The following FAM117A variants were observed in gnomAD, a reference collection of about 807,000 sequenced individuals.
The protein encoded by FAM117A is family with sequence similarity 117 member A.
In FAM117A, 21 loss-of-function variants were observed where a neutral mutation model predicts 44.1. That is an observed-to-expected ratio of 0.48 (90% confidence interval 0.34 to 0.69). The LOEUF is 0.69. Ranked by LOEUF, FAM117A falls within the 30% of genes least tolerant of loss-of-function variation. The pLI is 0.01. For missense variants in FAM117A, 498 were observed against 589.9 expected (o/e 0.84, Z 1.61); for synonymous variants, 220 against 238.3 (o/e 0.92, Z 0.71).
At chr17:49,759,771 G>A (rs2073715715) in intron 1 of FAM117A, among the ~76,000 whole-genome samples, 1 of 152,116 alleles carries the variant, frequency 6.6e-6, no homozygotes, top group African/African-American at 2.4e-5. Context: ...AATAATATAA[G>A]CACTGCAGCC....
At chr17:49,755,038 CAAAAAAAAA>C (rs199709334) in intron 1 of FAM117A, among the ~76,000 whole-genome samples, 1 of 43,246 alleles carries the variant, frequency 2.3e-5, no homozygotes, top group East Asian at 5.3e-4. Context: ...AACTCCGTCT[CAAAAAAAAA>C]AAAAAAAAAA....
At chr17:49,724,064 G>A (rs2073547885) in intron 2 of FAM117A, among the ~76,000 whole-genome samples, 1 of 152,128 alleles carries the variant, frequency 6.6e-6, no homozygotes, top group Admixed American at 6.5e-5. Context: ...GGCTCTGTCA[G>A]TATATGGAAA....
chr17:49,782,569 A>T (rs942585151), intron 1 of FAM117A, among the ~76,000 whole-genome samples: 2 of 151,194 alleles, frequency 1.3e-5, no homozygotes, highest in Non-Finnish European at 2.9e-5. Context: ...ACGCACCTGT[A>T]GTCCCAGCTA....
At chr17:49,741,411 A>G (rs2073633770) in intron 1 of FAM117A, among the ~76,000 whole-genome samples, 1 of 152,220 alleles carries the variant, frequency 6.6e-6, no homozygotes, top group Admixed American at 6.5e-5. Flanking sequence ...GCATGCCCGC[A>G]CTCAGAGATC....
At chr17:49,764,399 C>G (rs1299789786), upstream of FAM117A, among the ~76,000 whole-genome samples, 1 of 152,114 alleles carries the variant, frequency 6.6e-6, no homozygotes, top group Non-Finnish European at 1.5e-5. Context: ...CCAGCGCCAC[C>G]AATGAGAAGA....
At chr17:49,740,394 C>G (rs1350400178) in intron 1 of FAM117A, among the ~76,000 whole-genome samples, 1 of 152,066 alleles carries the variant, frequency 6.6e-6, no homozygotes, top group Non-Finnish European at 1.5e-5. Flanking sequence ...GGACTACAGG[C>G]GCCCACCACC....
At chr17:49,779,307 C>T (rs911736714) in intron 1 of FAM117A, among the ~76,000 whole-genome samples, 1 of 152,218 alleles carries the variant, frequency 6.6e-6, no homozygotes, top group Non-Finnish European at 1.5e-5. Flanking sequence ...ATGCTACTTA[C>T]AGTTGTCTGG....
chr17:49,788,803 G>A (rs762261423), upstream of FAM117A: 1 of 1,578,740 alleles, frequency 6.3e-7, no homozygotes, highest in South Asian at 1.1e-5. Context: ...GCCGCTGCCC[G>A]AATCGGAACC....
intron 1 of FAM117A, among the ~76,000 whole-genome samples, chr17:49,744,273 T>C (rs1205309972): frequency 6.6e-6 from 1 of 151,898 alleles, no homozygotes; most frequent in African/African-American, 2.4e-5. Flanking sequence ...GAATACTTTA[T>C]TATTTGTTTA....
chr17:49,776,439 C>T, intron 1 of FAM117A, among the ~76,000 whole-genome samples: 1 of 152,170 alleles, frequency 6.6e-6, no homozygotes, highest in Non-Finnish European at 1.5e-5. Flanking sequence ...CCCTGCCTCT[C>T]TGTCACCTTC....
At chr17:49,780,651 G>A (rs1350207188) in intron 1 of FAM117A, among the ~76,000 whole-genome samples, 2 of 152,120 alleles carry the variant, frequency 1.3e-5, no homozygotes, top group African/African-American at 2.4e-5. Context: ...GACTACAGGC[G>A]TGAGCTACCG....
intron 1 of FAM117A, among the ~76,000 whole-genome samples, chr17:49,735,256 G>A (rs1239584363): frequency 6.6e-6 from 1 of 152,120 alleles, no homozygotes; most frequent in Non-Finnish European, 1.5e-5. Flanking sequence ...CGGGCGTGGT[G>A]GTGCACACCT....
chr17:49,759,312 T>G (rs1233792931), intron 1 of FAM117A, among the ~76,000 whole-genome samples: 1 of 152,160 alleles, frequency 6.6e-6, no homozygotes, highest in East Asian at 1.9e-4. Context: ...GTCCCCAAAT[T>G]CAAGGATGTC....
chr17:49,735,382 T>A (rs1464586215), intron 1 of FAM117A, among the ~76,000 whole-genome samples: 2 of 150,296 alleles, frequency 1.3e-5, no homozygotes, highest in African/African-American at 4.9e-5. Context: ...ACAGCAAGAC[T>A]CCGTCTCAAA....
At chr17:49,740,393 G>A (rs2073628790) in intron 1 of FAM117A, among the ~76,000 whole-genome samples, 1 of 152,102 alleles carries the variant, frequency 6.6e-6, no homozygotes, top group South Asian at 2.1e-4. Flanking sequence ...GGGACTACAG[G>A]CGCCCACCAC....
chr17:49,746,708 C>G (rs1388162811), intron 1 of FAM117A, among the ~76,000 whole-genome samples: 1 of 152,150 alleles, frequency 6.6e-6, no homozygotes, highest in Non-Finnish European at 1.5e-5. Context: ...GTCATGATTG[C>G]TCTTCAAAAG....
At chr17:49,722,851 C>T (rs763360746) in intron 2 of FAM117A, among the ~76,000 whole-genome samples, 4 of 152,142 alleles carry the variant, frequency 2.6e-5, no homozygotes, top group Non-Finnish European at 4.4e-5. Context: ...GAGTGCTATA[C>T]ATATATGATA....
intron 1 of FAM117A, among the ~76,000 whole-genome samples, chr17:49,772,467 G>A (rs984975287): frequency 3.4e-4 from 52 of 152,016 alleles, no homozygotes; most frequent in African/African-American, 1.1e-3. Flanking sequence ...TTAGCCAGGT[G>A]TTGGCCGGGC....
At position 49,714,780 on chromosome 17, in the gene FAM117A, G is replaced by A. The variant is rs561515282; in HGVS notation, c.1061+1385C>T. Among the ~76,000 whole-genome samples the A allele has an allele frequency of 5.3e-5, 8 of 151,914 alleles. No individual in the cohort carries two copies. In the South Asian group the frequency reaches 1.7e-3, roughly 32 times the overall value. On this transcript the variant is annotated intron_variant, in intron 7 of 7. Coordinates refer to ENST00000240364, the MANE Select transcript of FAM117A (RefSeq NM_030802.4). ...TCCTGCCTCAGCCTCCTGAGTAGCT[G>A]GGATAACAGGTGCCTGCCACCACAC...
Sources: allele counts gnomAD v4.1 joint callset (sites outside exome capture counted in the v4.1 genomes callset), GRCh38; gene constraint gnomAD v4.1.1; transcripts MANE v1.5; gene names NCBI Gene and HGNC (gene_info 2026-07-23, HGNC 2026-07-21).